HDX: variants seen among roughly 807,000 people sequenced by gnomAD.
HDX encodes chromosome X open reading frame 43.
HDX carries 19 observed loss-of-function variants against 45.2 expected under a neutral mutation model. That is an observed-to-expected ratio of 0.42 (90% confidence interval 0.29 to 0.62). The LOEUF is 0.62. Ranked by LOEUF, HDX falls within the 20% of genes least tolerant of loss-of-function variation. The pLI is 0.20. For synonymous variants in HDX, 188 were observed against 172.8 expected (o/e 1.09, Z -0.69); for missense variants, 532 against 493.9 (o/e 1.08, Z -0.73).
chrX:84,375,455 T>C (rs1193471677), intron 5 of HDX, among the ~76,000 whole-genome samples: 1 of 111,949 alleles, frequency 8.9e-6, no homozygotes, highest in Non-Finnish European at 1.9e-5. Context: ...TGTATGTTTA[T>C]TGCGGCATTA....
chrX:84,463,407 C>T (rs1218514297), intron 4 of HDX, among the ~76,000 whole-genome samples: 1 of 110,993 alleles, frequency 9.0e-6, no homozygotes, highest in African/African-American at 3.3e-5. Context: ...AACAAAAGCA[C>T]TAAAGTCCAC....
intron 5 of HDX, among the ~76,000 whole-genome samples, chrX:84,436,948 T>C (rs2039650760): frequency 9.0e-6 from 1 of 110,725 alleles, no homozygotes; most frequent in African/African-American, 3.3e-5. Flanking sequence ...ATTGTAGTTC[T>C]CAACATTTAT....
chrX:84,351,334 C>T (rs2037354731), intron 6 of HDX, among the ~76,000 whole-genome samples: 1 of 110,825 alleles, frequency 9.0e-6, no homozygotes, highest in Non-Finnish European at 1.9e-5. Context: ...TATCTGACAC[C>T]ATCCCATCAG....
intron 7 of HDX, among the ~76,000 whole-genome samples, chrX:84,341,997 A>G (rs1188230015): frequency 5.4e-5 from 6 of 111,629 alleles, no homozygotes; most frequent in Admixed American, 3.8e-4. Flanking sequence ...CTGGATATTT[A>G]TCAATACACA....
intron 6 of HDX, among the ~76,000 whole-genome samples, chrX:84,360,023 T>C (rs2037581242): frequency 1.8e-5 from 2 of 111,711 alleles, no homozygotes; most frequent in African/African-American, 6.5e-5. Flanking sequence ...TTTTTTACAA[T>C]ATACCCATCT....
intron 3 of HDX, among the ~76,000 whole-genome samples, chrX:84,472,946 G>A (rs768839139): frequency 1.8e-4 from 19 of 108,555 alleles, no homozygotes; most frequent in African/African-American, 6.3e-4. Flanking sequence ...TCTCATTTAC[G>A]TTACATCTTA....
At chrX:84,409,529 A>G (rs771327037) in intron 5 of HDX, among the ~76,000 whole-genome samples, 14 of 108,558 alleles carry the variant, frequency 1.3e-4, no homozygotes, top group Non-Finnish European at 2.5e-4. Flanking sequence ...TACACCATGG[A>G]ATACTATGCA....
chrX:84,361,719 A>C (rs1483535378), intron 5 of HDX, 107 bp from the exon 6 acceptor site: 8 of 517,123 alleles, frequency 1.5e-5, no homozygotes, highest in Non-Finnish European at 2.3e-5. Flanking sequence ...CGATACTAGC[A>C]AAATTTATTT....
intron 1 of HDX, among the ~76,000 whole-genome samples, chrX:84,490,719 CTTA>C (rs948970893): frequency 9.2e-5 from 10 of 109,013 alleles, no homozygotes; most frequent in East Asian, 5.7e-4. Flanking sequence ...TTTTTTAAAT[CTTA>C]TTATTATTAT....
intron 1 of HDX, among the ~76,000 whole-genome samples, chrX:84,494,729 T>G (rs1460282264): frequency 8.9e-6 from 1 of 111,931 alleles, no homozygotes; most frequent in Non-Finnish European, 1.9e-5. Context: ...TTGTACAACT[T>G]TGGTGGGGAT....
At chrX:84,436,334 C>T (rs1215284083) in intron 5 of HDX, among the ~76,000 whole-genome samples, 7 of 102,723 alleles carry the variant, frequency 6.8e-5, no homozygotes, top group Admixed American at 1.0e-4. Context: ...TGCTAGATGA[C>T]GCGTTAATGG....
At chrX:84,392,464 T>G (rs1047929110) in intron 5 of HDX, among the ~76,000 whole-genome samples, 3 of 111,442 alleles carry the variant, frequency 2.7e-5, no homozygotes, top group Admixed American at 1.9e-4. Context: ...ATGACTCTGG[T>G]ATCGTGGTAG....
At chrX:84,379,195 T>TTA (rs1215065355) in intron 5 of HDX, among the ~76,000 whole-genome samples, 3 of 109,352 alleles carry the variant, frequency 2.7e-5, no homozygotes, top group East Asian at 2.8e-4. Flanking sequence ...AAATTTGATT[T>TTA]TATATATATA....
chrX:84,367,564 C>A (rs1023761065), intron 5 of HDX, among the ~76,000 whole-genome samples: 2 of 112,246 alleles, frequency 1.8e-5, no homozygotes, highest in African/African-American at 6.5e-5. Context: ...GTGTTTACTG[C>A]AGCACTGTTC....
At chrX:84,374,465 C>A (rs1161618687) in intron 5 of HDX, among the ~76,000 whole-genome samples, 1 of 110,112 alleles carries the variant, frequency 9.1e-6, no homozygotes, top group Admixed American at 9.7e-5. Flanking sequence ...AATCCTAAGC[C>A]AAAAGAACAA....
At chrX:84,437,596 C>T (rs143639067) in intron 5 of HDX, among the ~76,000 whole-genome samples, 190 of 110,899 alleles carry the variant, frequency 1.7e-3, no homozygotes, top group Non-Finnish European at 2.9e-3. Context: ...CCAGTAATCC[C>T]TACTGGTGCC....
intron 4 of HDX, among the ~76,000 whole-genome samples, chrX:84,452,880 T>C (rs908833976): frequency 1.3e-4 from 15 of 111,385 alleles, no homozygotes; most frequent in African/African-American, 4.6e-4. Flanking sequence ...GAAGGAAACA[T>C]AGGGGAAATA....
chrX:84,470,981 TCA>T (rs1481505119), intron 3 of HDX, among the ~76,000 whole-genome samples: 1 of 111,619 alleles, frequency 9.0e-6, no homozygotes, highest in Non-Finnish European at 1.9e-5. Flanking sequence ...ATAGTGGGAC[TCA>T]GTCTCCACCA....
intron 5 of HDX, among the ~76,000 whole-genome samples, chrX:84,417,495 G>T (rs1251980692): frequency 8.9e-6 from 1 of 112,149 alleles, no homozygotes; most frequent in African/African-American, 3.2e-5. Flanking sequence ...ACTGGGAGAG[G>T]GAAAGAGAAT....
Sources: allele counts gnomAD v4.1 joint callset (sites outside exome capture counted in the v4.1 genomes callset), GRCh38; gene constraint gnomAD v4.1.1; transcripts MANE v1.5; gene names NCBI Gene and HGNC (gene_info 2026-07-23, HGNC 2026-07-21).